The following PPP1R16B variants were observed in gnomAD, a reference collection of about 807,000 sequenced individuals.
The protein encoded by PPP1R16B is protein phosphatase 1 regulatory subunit 16B.
A neutral mutation model predicts 61.7 loss-of-function variants in PPP1R16B; 14 were observed. The ratio of observed to expected loss-of-function variants is 0.23; its 90% confidence interval spans 0.15 to 0.35. PPP1R16B has a LOEUF of 0.35. Among genes scored for constraint, PPP1R16B ranks in the 10% least tolerant of loss-of-function variants. PPP1R16B has a pLI of 1.00. For synonymous variants in PPP1R16B, 266 were observed against 305.3 expected, an observed-to-expected ratio of 0.87 and a Z score of 1.34; for missense variants, 547 against 752.5, an observed-to-expected ratio of 0.73 and a Z score of 3.19.
intron 1 of PPP1R16B, among the ~76,000 whole-genome samples, chr20:38,813,681 C>G (rs1265231503): frequency 6.6e-6 from 1 of 152,008 alleles, no homozygotes; most frequent in African/African-American, 2.4e-5. Context: ...ATCATAATCA[C>G]TTGGTACTTA....
At chr20:38,815,898 T>A (rs76103441) in intron 1 of PPP1R16B, among the ~76,000 whole-genome samples, 7,317 of 152,172 alleles carry the variant, frequency 0.048, 184 homozygotes, top group Non-Finnish European at 0.06. Context: ...AATGAACAAA[T>A]AAAATGAGAG....
intron 1 of PPP1R16B, among the ~76,000 whole-genome samples, chr20:38,807,164 C>G (rs1042663323): frequency 6.6e-6 from 1 of 152,184 alleles, no homozygotes; most frequent in South Asian, 2.1e-4. Flanking sequence ...CCTGTGTACC[C>G]TGCCATTTCC....
At chr20:38,832,560 C>T (rs938777231) in intron 1 of PPP1R16B, among the ~76,000 whole-genome samples, 4 of 152,196 alleles carry the variant, frequency 2.6e-5, no homozygotes, top group Non-Finnish European at 5.9e-5. Context: ...GGATCACTCA[C>T]ACATTGCTGG....
chr20:38,867,147 C>A (rs2085096175), intron 2 of PPP1R16B, among the ~76,000 whole-genome samples: 1 of 152,218 alleles, frequency 6.6e-6, no homozygotes, highest in Non-Finnish European at 1.5e-5. Context: ...CCCCGCCAAC[C>A]ACACACACCC....
chr20:38,880,686 C>T (rs2085197964), intron 2 of PPP1R16B, among the ~76,000 whole-genome samples: 1 of 152,086 alleles, frequency 6.6e-6, no homozygotes, highest in South Asian at 2.1e-4. Flanking sequence ...AAATACTATT[C>T]CATTGTATGG....
intron 2 of PPP1R16B, among the ~76,000 whole-genome samples, chr20:38,880,240 GA>G (rs1433136642): frequency 6.6e-6 from 1 of 152,008 alleles, no homozygotes; most frequent in Non-Finnish European, 1.5e-5. Flanking sequence ...TGGAGTTTGG[GA>G]GGCACAGCAG....
chr20:38,858,139 C>G (rs1021143649), intron 2 of PPP1R16B, among the ~76,000 whole-genome samples: 1 of 152,110 alleles, frequency 6.6e-6, no homozygotes, highest in African/African-American at 2.4e-5. Flanking sequence ...GGGGCCCCAT[C>G]ATCATGACCT....
intron 6 of PPP1R16B, among the ~76,000 whole-genome samples, 172 bp downstream of exon 6, chr20:38,902,964 A>G (rs949120234): frequency 6.6e-6 from 1 of 152,230 alleles, no homozygotes; most frequent in Non-Finnish European, 1.5e-5. Flanking sequence ...AGCAGGGCTC[A>G]GCCTCTTTGA....
intron 1 of PPP1R16B, among the ~76,000 whole-genome samples, chr20:38,830,535 A>G (rs1189250330): frequency 6.6e-6 from 1 of 152,246 alleles, no homozygotes; most frequent in Non-Finnish European, 1.5e-5. Context: ...GTGAAAACAA[A>G]TCCACAGGAA....
chr20:38,907,138 G>C lies in PPP1R16B; in HGVS notation c.898+84G>C, dbSNP rs2085450332. The stretch of plus-strand genomic sequence containing the variant: ...TAGAGGGAGAAATAGATAAATATAT[G>C]GTTGTATAGATTGATGGATTGGTGT... On this transcript the variant is annotated intron_variant, in intron 8 of 10. Transcript: ENST00000299824. The surrounding 1 kb of genome is among the most constrained non-coding windows in gnomAD (Gnocchi z 4.5). 9.0e-7 allele frequency: 1 copy of C among 1,110,590 alleles called. No homozygotes were observed. The highest frequency in any genetic ancestry group is 1.8e-5 in the Admixed American group (1 of 56,940). The allele number at this position is 1,110,590 out of a possible 1,614,324, so 68.8% of individuals were successfully genotyped here.
intron 2 of PPP1R16B, among the ~76,000 whole-genome samples, chr20:38,885,968 GT>G (rs1448167800): frequency 6.6e-6 from 1 of 152,166 alleles, no homozygotes; most frequent in East Asian, 1.9e-4. Context: ...TAGAGACAGG[GT>G]TTCGCCATGT....
chr20:38,894,658 T>C (rs2085320998), intron 3 of PPP1R16B, among the ~76,000 whole-genome samples: 1 of 152,216 alleles, frequency 6.6e-6, no homozygotes, highest in South Asian at 2.1e-4. Flanking sequence ...CTGCTGGCTT[T>C]CGCAGAGGTC....
At chr20:38,860,936 A>G (rs563510285) in intron 2 of PPP1R16B, among the ~76,000 whole-genome samples, 1 of 152,216 alleles carries the variant, frequency 6.6e-6, no homozygotes, top group Non-Finnish European at 1.5e-5. Context: ...GCAGGTCCCA[A>G]TTTGCACACT....
chr20:38,841,341 C>G (rs1686236754), intron 2 of PPP1R16B, among the ~76,000 whole-genome samples: 1 of 135,062 alleles, frequency 7.4e-6, no homozygotes, highest in Non-Finnish European at 1.5e-5. Flanking sequence ...GCCTGGAGAG[C>G]CTGTCTGTAC....
intron 2 of PPP1R16B, among the ~76,000 whole-genome samples, chr20:38,836,747 C>T (rs942996684): frequency 6.6e-6 from 1 of 152,194 alleles, no homozygotes; most frequent in African/African-American, 2.4e-5. Context: ...CCAGGCTGGT[C>T]TCAAACTCCC....
In PPP1R16B at chr20:38,900,637, A is replaced by C. The variant is rs1308445357; in HGVS notation, c.524A>C (p.Glu175Ala). The change falls in exon 5 of 11, where the codon GAG becomes GCG. Residue 175 changes from glutamate to alanine, a missense_variant. Transcript: ENST00000299824. ...SDGNMPYDLC[E>A]DEPTLDVIET... ...GGGAACATGCCATATGACCTCTGCG[A>C]GGATGAACCCACCCTGGATGTCATC... is the stretch of plus-strand genomic sequence containing the variant. The C allele has an allele frequency of 6.3e-7, 1 of 1,595,176 alleles. No individual in the cohort carries two copies. Among genetic ancestry groups the C allele is most frequent in the South Asian group, 1.1e-5 (1 of 87,214 alleles).
chr20:38,836,676 C>T (rs1444282786), intron 2 of PPP1R16B, among the ~76,000 whole-genome samples: 2 of 152,186 alleles, frequency 1.3e-5, no homozygotes, highest in Admixed American at 1.3e-4. Context: ...TTTGTTTAAA[C>T]ATCTTCGTTC....
intron 2 of PPP1R16B, among the ~76,000 whole-genome samples, chr20:38,837,558 T>C (rs1384144619): frequency 1.3e-5 from 2 of 151,428 alleles, no homozygotes; most frequent in Admixed American, 1.3e-4. Context: ...CTTTTTTTTT[T>C]TGAGACAGAG....
intron 2 of PPP1R16B, among the ~76,000 whole-genome samples, chr20:38,855,931 T>TAGAGAG (rs1264458654): frequency 3.8e-5 from 2 of 52,706 alleles, no homozygotes; most frequent in Non-Finnish European, 6.5e-5. Context: ...TATATATATA[T>TAGAGAG]ATATATATAT....
Sources: allele counts gnomAD v4.1 joint callset (sites outside exome capture counted in the v4.1 genomes callset), GRCh38; gene constraint gnomAD v4.1.1; non-coding constraint Gnocchi (gnomAD v3.1); transcripts MANE v1.5; gene names NCBI Gene and HGNC (gene_info 2026-07-23, HGNC 2026-07-21).